Variants in AGBL1 observed in about 807,000 individuals in gnomAD.
AGBL1 encodes AGBL carboxypeptidase 1.
Under a neutral mutation model 118.9 loss-of-function variants are expected in AGBL1, and 130 were observed. The ratio of observed to expected loss-of-function variants is 1.09; its 90% confidence interval spans 0.95 to 1.26. The LOEUF (loss-of-function observed/expected upper bound fraction) is 1.26. Ranked by LOEUF, AGBL1 falls within the 50% of genes most tolerant of loss-of-function variation. The pLI is 0.00. For synonymous variants in AGBL1, 555 were observed against 478.9 expected, an observed-to-expected ratio of 1.16 and a Z score of -2.08; for missense variants, 1,584 against 1,298.1, an observed-to-expected ratio of 1.22 and a Z score of -3.38.
chr15:86,545,510 C>G (rs1299416528), intron 19 of AGBL1, among the ~76,000 whole-genome samples: 1 of 152,066 alleles, frequency 6.6e-6, no homozygotes, highest in African/African-American at 2.4e-5. Flanking sequence ...GGTATTAAGC[C>G]TAGTACCCAT....
chr15:86,227,231 T>C (rs1007892032), intron 6 of AGBL1, among the ~76,000 whole-genome samples: 1 of 152,256 alleles, frequency 6.6e-6, no homozygotes, highest in Admixed American at 6.5e-5. Context: ...AATAGCTTGC[T>C]GTCCTCCACA....
intron 17 of AGBL1, among the ~76,000 whole-genome samples, chr15:86,387,981 C>T (rs1282236678): frequency 2.6e-5 from 4 of 152,150 alleles, no homozygotes; most frequent in African/African-American, 9.7e-5. Context: ...GGGGCTACTT[C>T]CTGTCACTGG....
rs1392581256 is a variant in AGBL1 at position 86,546,223 on chromosome 15, T to G, written c.2817+90T>G. 13 of 1,163,130 alleles carry G rather than the reference T, an allele frequency of 1.1e-5. No homozygotes were observed. The East Asian group carries it at 1.8e-4, about 16-fold the overall frequency. 72.1% of individuals were successfully genotyped at this position (1,163,130 alleles called of 1,614,324 possible). On this transcript the variant is annotated intron_variant, in intron 20 of 22. Transcript: ENST00000614907. ...ACCATGCCCCACTCATTTATTTAGTTTTTTTTTTTTTTTGTAAATAAGCAT... is the reference window on the plus strand; with the variant it reads ...ACCATGCCCCACTCATTTATTTAGTGTTTTTTTTTTTTTGTAAATAAGCAT...
intron 18 of AGBL1, among the ~76,000 whole-genome samples, chr15:86,480,308 C>T: frequency 6.6e-6 from 1 of 151,918 alleles, no homozygotes; most frequent in Non-Finnish European, 1.5e-5. Flanking sequence ...TATATGTATC[C>T]CATAACATCA....
At chr15:86,801,014 G>A (rs754381475) in intron 22 of AGBL1, among the ~76,000 whole-genome samples, 8 of 152,096 alleles carry the variant, frequency 5.3e-5, no homozygotes, top group Admixed American at 2.6e-4. Context: ...ACAAAAGGTC[G>A]TTGAGTTTGA....
chr15:86,830,065 T>G (rs943740811), intron 22 of AGBL1, among the ~76,000 whole-genome samples: 1 of 152,138 alleles, frequency 6.6e-6, no homozygotes, highest in Non-Finnish European at 1.5e-5. Flanking sequence ...TTTATATGTT[T>G]CCAATTTTTA....
chr15:86,584,444 T>C (rs532310694), intron 21 of AGBL1, among the ~76,000 whole-genome samples: 48 of 152,160 alleles, frequency 3.2e-4, no homozygotes, highest in Non-Finnish European at 6.5e-4. Context: ...GAAAAGGGAG[T>C]ACTTTCCCCA....
intron 18 of AGBL1, among the ~76,000 whole-genome samples, chr15:86,479,867 A>G (rs1050234154): frequency 6.6e-6 from 1 of 152,242 alleles, no homozygotes; most frequent in Non-Finnish European, 1.5e-5. Context: ...TGGATTAAGA[A>G]AATGTGGCAC....
chr15:86,971,618 G>A (rs56162719), intron 23 of AGBL1, among the ~76,000 whole-genome samples: 6,095 of 152,056 alleles, frequency 0.04, 153 homozygotes, highest in Middle Eastern at 0.068. Flanking sequence ...ATGTTACTAA[G>A]TCAGTAAAAT....
At chr15:86,460,463 T>C (rs1403308194) in intron 18 of AGBL1, among the ~76,000 whole-genome samples, 2 of 150,984 alleles carry the variant, frequency 1.3e-5, no homozygotes, top group Non-Finnish European at 2.9e-5. Context: ...GCCACTGCAC[T>C]CCAGTCTGGG....
At chr15:86,135,670 A>T (rs1234252656) in intron 1 of AGBL1, among the ~76,000 whole-genome samples, 1 of 152,204 alleles carries the variant, frequency 6.6e-6, no homozygotes, top group Non-Finnish European at 1.5e-5. Flanking sequence ...GGGGAGGGCA[A>T]GAGGAATGAG....
At chr15:86,183,363 T>G (rs1348533) in intron 5 of AGBL1, among the ~76,000 whole-genome samples, 1 of 152,044 alleles carries the variant, frequency 6.6e-6, no homozygotes, top group East Asian at 1.9e-4. Flanking sequence ...GTAAAAGGTA[T>G]TCAATCCAAT....
chr15:86,107,853 G>A (rs1317554752), intron 1 of AGBL1, among the ~76,000 whole-genome samples: 2 of 152,180 alleles, frequency 1.3e-5, no homozygotes, highest in Admixed American at 6.5e-5. Context: ...CCCTCTCAGA[G>A]AGCTTCTCAA....
At chr15:86,807,246 T>C (rs905583509) in intron 22 of AGBL1, among the ~76,000 whole-genome samples, 2 of 152,042 alleles carry the variant, frequency 1.3e-5, no homozygotes, top group African/African-American at 4.8e-5. Flanking sequence ...ACAGCCAGGG[T>C]CTGGGTTAAT....
intron 18 of AGBL1, among the ~76,000 whole-genome samples, chr15:86,483,671 T>C (rs1310934581): frequency 6.6e-6 from 1 of 152,140 alleles, no homozygotes; most frequent in Non-Finnish European, 1.5e-5. Context: ...CCAATCACTG[T>C]CTATTGTCAT....
intron 17 of AGBL1, among the ~76,000 whole-genome samples, chr15:86,377,531 CCT>C (rs1398457777): frequency 2.6e-5 from 4 of 152,164 alleles, no homozygotes; most frequent in African/African-American, 9.7e-5. Flanking sequence ...GCTAACAAGT[CCT>C]GTTTTTCCAA....
intron 7 of AGBL1, among the ~76,000 whole-genome samples, chr15:86,248,354 A>G (rs2078755495): frequency 6.6e-6 from 1 of 152,176 alleles, no homozygotes; most frequent in African/African-American, 2.4e-5. Context: ...TCTTCATTCC[A>G]TTGGTTCATT....
intron 1 of AGBL1, among the ~76,000 whole-genome samples, chr15:86,117,404 A>C (rs763019855): frequency 2.6e-5 from 4 of 152,124 alleles, no homozygotes; most frequent in Non-Finnish European, 5.9e-5. Flanking sequence ...AATGAGGTCT[A>C]TTTGGCATCT....
At chr15:86,703,083 T>C (rs1374285304) in intron 22 of AGBL1, among the ~76,000 whole-genome samples, 1 of 152,136 alleles carries the variant, frequency 6.6e-6, no homozygotes, top group Non-Finnish European at 1.5e-5. Context: ...GAGAATAATT[T>C]TAAGGAGCAA....
Sources: allele counts gnomAD v4.1 joint callset (sites outside exome capture counted in the v4.1 genomes callset), GRCh38; gene constraint gnomAD v4.1.1; transcripts MANE v1.5; gene names NCBI Gene and HGNC (gene_info 2026-07-23, HGNC 2026-07-21).